Variants in PLCB4 observed in about 807,000 individuals in gnomAD.
The protein encoded by PLCB4 is 1-phosphatidylinositol 4,5-bisphosphate phosphodiesterase beta-4.
Under a neutral mutation model 178.8 loss-of-function variants are expected in PLCB4, and 77 were observed. That is an observed-to-expected ratio of 0.43 (90% confidence interval 0.36 to 0.52). The LOEUF (loss-of-function observed/expected upper bound fraction) is 0.52. PLCB4 is among the 20% of genes least tolerant of loss of function. The probability of loss-of-function intolerance (pLI) is 0.00; values close to 1 mark genes in which losing one functional copy is unlikely to be tolerated. For synonymous variants in PLCB4, 496 were observed against 490.8 expected, an observed-to-expected ratio of 1.01 and a Z score of -0.14; for missense variants, 1,024 against 1,453.4, an observed-to-expected ratio of 0.70 and a Z score of 4.80.
intron 20 of PLCB4, among the ~76,000 whole-genome samples, chr20:9,404,475 C>T (rs957970957): frequency 5.3e-4 from 80 of 152,064 alleles, no homozygotes; most frequent in African/African-American, 1.5e-3. Flanking sequence ...CGCCATGGTA[C>T]GCGCCTGTAA....
chr20:9,086,775 T>C (rs6039380), intron 1 of PLCB4, among the ~76,000 whole-genome samples: 74,493 of 151,648 alleles, frequency 0.49, 18,678 homozygotes, highest in Middle Eastern at 0.57. Flanking sequence ...GGAAAAGGTT[T>C]CGAAAAGGAA....
At position 9,194,325 on chromosome 20, in the gene PLCB4, G is replaced by A. The variant is rs576821531; in HGVS notation, c.-78-23065G>A. 9.2e-5 allele frequency among the ~76,000 whole-genome samples: 14 copies of A among 152,246 alleles called. No individual in the cohort carries two copies. In the South Asian group the frequency reaches 2.7e-3, roughly 29 times the overall value. On this transcript the variant is annotated intron_variant, in intron 2 of 39. Coordinates refer to ENST00000378473, the MANE Select transcript of PLCB4 (RefSeq NM_001377142.1). ...TATTTTCCAACACAAAACCACTGGAGGGTGAACTCAGGTAATTTTAGCTAC... is the reference window on the plus strand; with the variant it reads ...TATTTTCCAACACAAAACCACTGGAAGGTGAACTCAGGTAATTTTAGCTAC...
chr20:9,081,628 A>C (rs1165960250), intron 1 of PLCB4, among the ~76,000 whole-genome samples: 1 of 152,204 alleles, frequency 6.6e-6, no homozygotes, highest in African/African-American at 2.4e-5. Flanking sequence ...TTTTAGCCAC[A>C]GCATGACTCT....
chr20:9,453,101 A>G, intron 32 of PLCB4, among the ~76,000 whole-genome samples: 1 of 152,216 alleles, frequency 6.6e-6, no homozygotes, highest in East Asian at 1.9e-4. Flanking sequence ...CCCACTGCTG[A>G]GCAGGAGTGC....
chr20:9,478,964 A>T lies in PLCB4; in HGVS notation c.3576A>T (p.Gly1192=). 1 of 1,613,760 alleles carries T rather than the reference A, an allele frequency of 6.2e-7. No homozygotes were observed. ...ATGGTGAAATTGGAAGCCGAGATGG[A>T]CCGCAGACCAGCAACAGTAGTATGA... ...AADGEIGSRD[G]PQTSNSSMKL... Residue 1192 remains glycine (G), a synonymous_variant, in exon 40 of 40, where the codon GGA becomes GGT. Transcript: ENST00000378473.
chr20:9,266,841 T>C lies in PLCB4; in HGVS notation c.-15-40959T>C, dbSNP rs540933633. Among the ~76,000 whole-genome samples the C allele has an allele frequency of 5.3e-4, 81 of 152,290 alleles. 1 individual carries two copies. The highest frequency in any genetic ancestry group is 1.8e-3 in the African/African-American group (73 of 41,568). On this transcript the variant is annotated intron_variant, in intron 3 of 39. Transcript: ENST00000378473. ...CTCAATAAAATTATAAATTAGAAGA[T>C]TAATGTTAAAATGTTACAAATTATA...
intron 36 of PLCB4, among the ~76,000 whole-genome samples, chr20:9,472,211 A>G (rs1014234321): frequency 2.0e-5 from 3 of 152,166 alleles, no homozygotes; most frequent in African/African-American, 7.2e-5. Flanking sequence ...AAGCGATGCC[A>G]CTGTGCCTGG....
At chr20:9,108,493 TTGAC>T (rs1351983297) in intron 2 of PLCB4, among the ~76,000 whole-genome samples, 2 of 152,004 alleles carry the variant, frequency 1.3e-5, no homozygotes, top group Non-Finnish European at 2.9e-5. Flanking sequence ...GGACTGAAAT[TTGAC>T]TGAACAGGAG....
In PLCB4 at chr20:9,319,911, A is replaced by G. The variant is rs73093901; in HGVS notation, c.84+12013A>G. 9.3e-3 allele frequency among the ~76,000 whole-genome samples: 1,413 copies of G among 152,296 alleles called. 8 individuals are homozygous for G. The highest frequency in any genetic ancestry group is 0.012 in the Non-Finnish European group (849 of 68,020). ...GGTGTTTTTTAGCACAGACAGTAGT[A>G]AATCACTACTACTTTGAGCACTCAC... On this transcript the variant is annotated intron_variant, in intron 4 of 39. Coordinates refer to ENST00000378473, the MANE Select transcript of PLCB4 (RefSeq NM_001377142.1).
chr20:9,414,456 A>G (rs1251233852), intron 25 of PLCB4, among the ~76,000 whole-genome samples: 1 of 152,144 alleles, frequency 6.6e-6, no homozygotes, highest in Non-Finnish European at 1.5e-5. Context: ...TGGTTCTCCC[A>G]CCCACCTGCA....
Position 9,095,920 on chromosome 20 carries a change from A to G in PLCB4, c.-134-367A>G, listed in dbSNP as rs531438821. Among the ~76,000 whole-genome samples, 4 of 152,282 alleles carry G rather than the reference A, an allele frequency of 2.6e-5. No individual in the cohort carries two copies. The South Asian group carries it at 8.3e-4, about 32-fold the overall frequency. On this transcript the variant is annotated intron_variant, in intron 1 of 39. Coordinates refer to ENST00000378473, the MANE Select transcript of PLCB4 (RefSeq NM_001377142.1). ...AGCAGAAACAAGAGTGGAGTTTTATATATTTCCTTCTTTGTTTATACATTT... is the reference window on the plus strand; with the variant it reads ...AGCAGAAACAAGAGTGGAGTTTTATGTATTTCCTTCTTTGTTTATACATTT...
chr20:9,203,852 T>C (rs1027590318), intron 2 of PLCB4, among the ~76,000 whole-genome samples: 2 of 151,112 alleles, frequency 1.3e-5, no homozygotes, highest in Non-Finnish European at 2.9e-5. Flanking sequence ...CACTGGTCTT[T>C]TGAGATTGAG....
At chr20:9,419,406 G>T (rs1438079101) in intron 25 of PLCB4, among the ~76,000 whole-genome samples, 1 of 152,066 alleles carries the variant, frequency 6.6e-6, no homozygotes, top group Non-Finnish European at 1.5e-5. Flanking sequence ...CTTACCATTA[G>T]ATCTTATAAT....
chr20:9,404,465 C>T (rs757367549), intron 20 of PLCB4, among the ~76,000 whole-genome samples: 18 of 152,026 alleles, frequency 1.2e-4, no homozygotes, highest in Non-Finnish European at 1.6e-4. Flanking sequence ...ATTAGCCAGG[C>T]GCCATGGTAC....
chr20:9,402,345 G>A (rs376631856), intron 20 of PLCB4, among the ~76,000 whole-genome samples: 2 of 152,318 alleles, frequency 1.3e-5, no homozygotes, highest in South Asian at 2.1e-4. Flanking sequence ...CTTTCCATGC[G>A]GAGGGACCAC....
Position 9,421,283 on chromosome 20 carries a change from T to A in PLCB4, c.2155-14T>A. 1 of 1,598,346 alleles carries A rather than the reference T, an allele frequency of 6.3e-7. No homozygotes were observed. The highest frequency in any genetic ancestry group is 8.6e-7 in the Non-Finnish European group (1 of 1,168,454). Reference sequence around the variant, plus strand: ...AGAGCTTACTTCTCTTTGCTCTCGTTCGTGCTGCTACAGGTTATATCAGGT... The same window carrying A: ...AGAGCTTACTTCTCTTTGCTCTCGTACGTGCTGCTACAGGTTATATCAGGT... On this transcript the variant is annotated splice_polypyrimidine_tract_variant and intron_variant, in intron 26 of 39. Transcript: ENST00000378473.
intron 12 of PLCB4, among the ~76,000 whole-genome samples, chr20:9,379,514 T>C (rs1242205813): frequency 6.6e-6 from 1 of 152,100 alleles, no homozygotes; most frequent in Non-Finnish European, 1.5e-5. Context: ...GAAAATGAAA[T>C]TTGTTGAGTG....
chr20:9,100,084 G>C (rs886787474), intron 2 of PLCB4, among the ~76,000 whole-genome samples: 1 of 152,148 alleles, frequency 6.6e-6, no homozygotes, highest in Admixed American at 6.5e-5. Flanking sequence ...TGGGACTTCA[G>C]GTTTGTCACA....
Position 9,389,859 on chromosome 20 carries a change from G to C in PLCB4, c.1159-20G>C. The stretch of plus-strand genomic sequence containing the variant: ...TTTTTTGCTCTTTTCTCTCATTAAC[G>C]TTTTTTTTTGTTTTTAAAGGATGTA... On this transcript the variant is annotated intron_variant, in intron 15 of 39. Coordinates refer to ENST00000378473, the MANE Select transcript of PLCB4 (RefSeq NM_001377142.1). 2 of 1,369,140 alleles carry C rather than the reference G, an allele frequency of 1.5e-6. No individual in the cohort carries two copies. The highest frequency in any genetic ancestry group is 1.0e-6 in the Non-Finnish European group (1 of 977,732). The allele number at this position is 1,369,140 out of a possible 1,614,324, so 84.8% of individuals were successfully genotyped here. A position where few individuals can be genotyped will look rare whatever the true frequency, so the allele number is the denominator to read the frequency against.
Sources: allele counts gnomAD v4.1 joint callset (sites outside exome capture counted in the v4.1 genomes callset), GRCh38; gene constraint gnomAD v4.1.1; transcripts MANE v1.5; gene names NCBI Gene and HGNC (gene_info 2026-07-23, HGNC 2026-07-21).